Variants in ULK4 observed in about 807,000 individuals in gnomAD.
ULK4 encodes unc-51 like kinase 4, also known as inactive serine/threonine-protein kinase ULK4.
A neutral mutation model predicts 160.6 loss-of-function variants in ULK4; 133 were observed. The observed-to-expected ratio is 0.83, with a 90% confidence interval of 0.72 to 0.96. ULK4 has a LOEUF of 0.96. ULK4 is among the 40% of genes least tolerant of loss of function. The pLI is 0.00. For missense variants in ULK4, 1,580 were observed against 1,499.5 expected (o/e 1.05, Z -0.89); for synonymous variants, 534 against 539.8 (o/e 0.99, Z 0.15).
intron 29 of ULK4, among the ~76,000 whole-genome samples, chr3:41,674,908 A>G (rs898111647): frequency 3.9e-5 from 6 of 152,188 alleles, no homozygotes; most frequent in Non-Finnish European, 7.3e-5. Context: ...TGTCCAAGTC[A>G]TAACACCCAA....
chr3:41,531,128 G>T (rs2086294405), intron 32 of ULK4, among the ~76,000 whole-genome samples: 1 of 149,368 alleles, frequency 6.7e-6, no homozygotes, highest in South Asian at 2.2e-4. Context: ...GGATAGTTAT[G>T]ATACACAGTA....
intron 34 of ULK4, among the ~76,000 whole-genome samples, chr3:41,410,413 A>G (rs1004029193): frequency 6.6e-6 from 1 of 152,214 alleles, no homozygotes; most frequent in Non-Finnish European, 1.5e-5. Flanking sequence ...AGCTAAGAGA[A>G]CAAAAAAATC....
At chr3:41,811,072 T>C (rs1330814034) in intron 19 of ULK4, among the ~76,000 whole-genome samples, 2 of 151,736 alleles carry the variant, frequency 1.3e-5, no homozygotes, top group African/African-American at 4.8e-5. Context: ...TTTTTTGTAG[T>C]GATGGAGTCT....
At chr3:41,519,756 G>A (rs2085868658) in intron 32 of ULK4, among the ~76,000 whole-genome samples, 1 of 152,222 alleles carries the variant, frequency 6.6e-6, no homozygotes, top group Admixed American at 6.5e-5. Context: ...TCATGTTTGA[G>A]AGGAACTTTT....
At chr3:41,714,323 T>C (rs1426491356) in intron 25 of ULK4, among the ~76,000 whole-genome samples, 1 of 152,220 alleles carries the variant, frequency 6.6e-6, no homozygotes, top group Non-Finnish European at 1.5e-5. Context: ...CTTCACCCTA[T>C]GATGAACTTT....
intron 32 of ULK4, among the ~76,000 whole-genome samples, chr3:41,476,675 G>C (rs527331993): frequency 4.6e-5 from 7 of 151,978 alleles, no homozygotes; most frequent in African/African-American, 1.7e-4. Flanking sequence ...CTAAGGTGTA[G>C]TAGTTACCTG....
At chr3:41,917,843 C>T (rs1037056263) in intron 7 of ULK4, among the ~76,000 whole-genome samples, 2 of 151,976 alleles carry the variant, frequency 1.3e-5, no homozygotes, top group South Asian at 2.1e-4. Context: ...AAAAATTAGC[C>T]GGGTGCCGTG....
Position 41,395,748 on chromosome 3 carries a change from T to C in ULK4, c.3678+2331A>G, listed in dbSNP as rs547273350. On this transcript the variant is annotated intron_variant, in intron 35 of 36. Coordinates refer to ENST00000301831, the MANE Select transcript of ULK4 (RefSeq NM_017886.4). Reference sequence around the variant, plus strand: ...GAATATGCTTAATGCCACTGAACCATATACTTGAAAATAATTCTAGTGATA... The same window carrying C: ...GAATATGCTTAATGCCACTGAACCACATACTTGAAAATAATTCTAGTGATA... Among the ~76,000 whole-genome samples, 4 of 152,296 alleles carry C rather than the reference T, an allele frequency of 2.6e-5. No individual in the cohort carries two copies. The South Asian group carries it at 8.3e-4, about 32-fold the overall frequency.
intron 34 of ULK4, among the ~76,000 whole-genome samples, chr3:41,430,915 G>A (rs1330831388): frequency 6.6e-6 from 1 of 151,894 alleles, no homozygotes; most frequent in Non-Finnish European, 1.5e-5. Flanking sequence ...GGGGGTGGGG[G>A]TGGCAAAAAT....
At chr3:41,397,968 T>C in intron 35 of ULK4, 111 bp downstream of exon 35, 1 of 1,253,890 alleles carries the variant, frequency 8.0e-7, no homozygotes, top group Non-Finnish European at 1.1e-6. Flanking sequence ...TCTTGACAAC[T>C]CTTGCAAATT....
chr3:41,774,409 A>G (rs1463341322), intron 21 of ULK4, among the ~76,000 whole-genome samples: 46 of 150,908 alleles, frequency 3.0e-4, no homozygotes, highest in Admixed American at 2.6e-3. Context: ...CAAAGTGGGC[A>G]AAGGATATGA....
At chr3:41,282,738 G>C (rs1255072159) in intron 35 of ULK4, among the ~76,000 whole-genome samples, 1 of 152,160 alleles carries the variant, frequency 6.6e-6, no homozygotes. Context: ...ACATAGGCAT[G>C]GGCAAAGACT....
At chr3:41,753,497 C>T (rs180912800) in intron 22 of ULK4, among the ~76,000 whole-genome samples, 1 of 152,270 alleles carries the variant, frequency 6.6e-6, no homozygotes, top group East Asian at 1.9e-4. Context: ...AGGTGTTAAT[C>T]AGAAAGCATC....
At chr3:41,655,638 T>C (rs917384298) in intron 30 of ULK4, among the ~76,000 whole-genome samples, 1 of 152,136 alleles carries the variant, frequency 6.6e-6, no homozygotes, top group Non-Finnish European at 1.5e-5. Flanking sequence ...GGCTTGGAGT[T>C]CAAGGCTGCA....
chr3:41,452,818 T>C (rs1289691224), intron 34 of ULK4, among the ~76,000 whole-genome samples: 2 of 152,164 alleles, frequency 1.3e-5, no homozygotes, highest in Non-Finnish European at 2.9e-5. Flanking sequence ...TAAGAATATC[T>C]TCCATTCATA....
At chr3:41,873,978 T>G (rs181529352) in intron 17 of ULK4, among the ~76,000 whole-genome samples, 25 of 151,958 alleles carry the variant, frequency 1.6e-4, no homozygotes, top group African/African-American at 3.6e-4. Context: ...ATTTTTATAA[T>G]TAGAATATTT....
intron 22 of ULK4, among the ~76,000 whole-genome samples, chr3:41,750,832 A>C (rs914240075): frequency 6.6e-6 from 1 of 151,786 alleles, no homozygotes; most frequent in African/African-American, 2.4e-5. Context: ...TCTACTAAAA[A>C]TACAAAAATT....
intron 19 of ULK4, among the ~76,000 whole-genome samples, chr3:41,803,578 G>T (rs1389068121): frequency 6.6e-6 from 1 of 152,162 alleles, no homozygotes; most frequent in Admixed American, 6.5e-5. Flanking sequence ...CTGGTGTGCT[G>T]CACCCATTAA....
intron 30 of ULK4, among the ~76,000 whole-genome samples, chr3:41,645,133 T>C (rs1421998269): frequency 6.6e-6 from 1 of 152,264 alleles, no homozygotes; most frequent in African/African-American, 2.4e-5. Flanking sequence ...GTTGATCTTT[T>C]CAAAAAACCA....
Sources: allele counts gnomAD v4.1 joint callset (sites outside exome capture counted in the v4.1 genomes callset), GRCh38; gene constraint gnomAD v4.1.1; transcripts MANE v1.5; gene names NCBI Gene and HGNC (gene_info 2026-07-23, HGNC 2026-07-21).